The following PIK3R1 variants were observed in gnomAD, a reference collection of about 807,000 sequenced individuals.
PIK3R1 encodes the protein phosphoinositide-3-kinase regulatory subunit 1, also known as phosphatidylinositol 3-kinase regulatory subunit alpha.
A neutral mutation model predicts 98.0 loss-of-function variants in PIK3R1; 29 were observed. That is an observed-to-expected ratio of 0.30 (90% confidence interval 0.22 to 0.40). The LOEUF is 0.40. PIK3R1 is among the 10% of genes least tolerant of loss of function. The probability of loss-of-function intolerance (pLI) is 1.00; values close to 1 mark genes in which losing one functional copy is unlikely to be tolerated. For synonymous variants in PIK3R1, 282 were observed against 311.8 expected (o/e 0.90, Z 1.01); for missense variants, 596 against 872.7 (o/e 0.68, Z 3.99).
chr5:68,297,069 G>A (rs1237322246), intron 15 of PIK3R1, among the ~76,000 whole-genome samples: 1 of 152,206 alleles, frequency 6.6e-6, no homozygotes, highest in Non-Finnish European at 1.5e-5. Flanking sequence ...ACTGCAGATA[G>A]TTGTCCTCAT....
At chr5:68,222,444 G>A (rs1744124144) in intron 1 of PIK3R1, among the ~76,000 whole-genome samples, 1 of 109,678 alleles carries the variant, frequency 9.1e-6, no homozygotes, top group African/African-American at 4.8e-5. Context: ...AGTGGCAGGA[G>A]GCAGAGGTGC....
chr5:68,236,230 A>T (rs1398371174), intron 2 of PIK3R1, among the ~76,000 whole-genome samples: 1 of 151,060 alleles, frequency 6.6e-6, no homozygotes, highest in East Asian at 2.0e-4. Flanking sequence ...CAAAGATGGC[A>T]TATTATAACC....
chr5:68,243,980 TG>T (rs1312376004), intron 2 of PIK3R1, among the ~76,000 whole-genome samples: 4 of 152,238 alleles, frequency 2.6e-5, no homozygotes, highest in African/African-American at 9.6e-5. Flanking sequence ...ATTAAACAGC[TG>T]TAGTTTAAAT....
chr5:68,236,067 C>T (rs1020472128), intron 2 of PIK3R1, among the ~76,000 whole-genome samples: 3 of 150,990 alleles, frequency 2.0e-5, no homozygotes, highest in Non-Finnish European at 4.4e-5. Context: ...GACAGGGTTT[C>T]ACCATATTGG....
At chr5:68,237,777 C>CT (rs1253589217) in intron 2 of PIK3R1, among the ~76,000 whole-genome samples, 1 of 152,088 alleles carries the variant, frequency 6.6e-6, no homozygotes, top group East Asian at 1.9e-4. Context: ...GAAATGCCTA[C>CT]TGTAAACTCA....
Position 68,262,713 on chromosome 5 carries a change from A to T in PIK3R1, c.335-10677A>T, listed in dbSNP as rs372477092. 6.2e-4 allele frequency among the ~76,000 whole-genome samples: 85 copies of T among 136,262 alleles called. 1 individual carries two copies. The East Asian group carries it at 0.013, about 21-fold the overall frequency. The allele number at this position is 136,262 out of a possible 152,430, so 89.4% of individuals were successfully genotyped here. On this transcript the variant is annotated intron_variant, in intron 2 of 15. Coordinates refer to ENST00000521381, the MANE Select transcript of PIK3R1 (RefSeq NM_181523.3). ...TGTATACACATGTAGATGCATGTAG[A>T]TGCATGTATACATATATACATGTAG...
At chr5:68,225,087 C>T (rs902823472) in intron 1 of PIK3R1, among the ~76,000 whole-genome samples, 41 of 152,370 alleles carry the variant, frequency 2.7e-4, no homozygotes, top group African/African-American at 8.4e-4. Context: ...TCAGTCTCTC[C>T]TGTCTGGATG....
At chr5:68,221,836 G>A (rs1421923036) in intron 1 of PIK3R1, among the ~76,000 whole-genome samples, 1 of 152,208 alleles carries the variant, frequency 6.6e-6, no homozygotes, top group Non-Finnish European at 1.5e-5. Context: ...TGTTAGCAGG[G>A]ACAGAAAATA....
chr5:68,272,567 A>AGAATAAG (rs1746407952), intron 2 of PIK3R1, among the ~76,000 whole-genome samples: 1 of 152,114 alleles, frequency 6.6e-6, no homozygotes, highest in African/African-American at 2.4e-5. Flanking sequence ...TTTTGGACTG[A>AGAATAAG]GAATAAGGTT....
intron 2 of PIK3R1, among the ~76,000 whole-genome samples, chr5:68,233,723 G>A (rs964069970): frequency 2.1e-4 from 32 of 152,028 alleles, no homozygotes; most frequent in Non-Finnish European, 5.9e-5. Flanking sequence ...TTATATAATG[G>A]ATAACATAGT....
At chr5:68,229,404 A>G (rs1008956513) in intron 2 of PIK3R1, among the ~76,000 whole-genome samples, 4 of 152,194 alleles carry the variant, frequency 2.6e-5, no homozygotes, top group Non-Finnish European at 5.9e-5. Flanking sequence ...TATTCTTACC[A>G]TAATTGAATT....
chr5:68,263,273 T>A (rs1185495695), intron 2 of PIK3R1, among the ~76,000 whole-genome samples: 1 of 146,232 alleles, frequency 6.8e-6, no homozygotes, highest in Non-Finnish European at 1.5e-5. Context: ...TTAGTTCTGC[T>A]ATATCTATAG....
intron 2 of PIK3R1, among the ~76,000 whole-genome samples, chr5:68,264,407 G>T (rs1433355581): frequency 1.3e-5 from 2 of 152,216 alleles, no homozygotes; most frequent in Middle Eastern, 3.2e-3. Context: ...AATTGGCTTT[G>T]AAGTCCCATC....
rs2112284156 is a variant in PIK3R1, at chr5:68,296,306, G to A, written c.1950G>A (p.Glu650=). Reference sequence around the variant, plus strand: ...GAGATGGCACTTTTCTTGTCCGGGAGAGCAGTAAACAGGGCTGCTATGCCT... The same window carrying A: ...GAGATGGCACTTTTCTTGTCCGGGAAAGCAGTAAACAGGGCTGCTATGCCT... ...GKRDGTFLVR[E]SSKQGCYACS... The change falls in exon 15 of 16, where the codon GAG becomes GAA. Residue 650 remains glutamate (E), a synonymous_variant. Transcript: ENST00000521381. 2 of 1,614,202 alleles carry A rather than the reference G, an allele frequency of 1.2e-6. No individual in the cohort carries two copies. The highest frequency in any genetic ancestry group is 1.7e-6 in the Non-Finnish European group (2 of 1,180,024).
intron 4 of PIK3R1, among the ~76,000 whole-genome samples, chr5:68,274,246 A>G (rs1401245330): frequency 6.6e-6 from 1 of 152,186 alleles, no homozygotes; most frequent in Admixed American, 6.5e-5. Context: ...CATGTTGGTC[A>G]TCATCATAGC....
chr5:68,263,108 CATACATAGATAT>C, intron 2 of PIK3R1, among the ~76,000 whole-genome samples: 1 of 129,842 alleles, frequency 7.7e-6, no homozygotes, highest in South Asian at 2.4e-4. Context: ...TATATAGATA[CATACATAGATAT>C]ATAGATACAT....
rs1225217639 is a variant in PIK3R1 at position 68,273,992 on chromosome 5, T to C, written c.481T>C (p.Leu161=). The change falls in exon 4 of 16, where the codon TTA becomes CTA. Residue 161 remains leucine, a synonymous_variant. Coordinates refer to ENST00000521381, the MANE Select transcript of PIK3R1 (RefSeq NM_181523.3). Reference sequence around the variant, plus strand: ...ACAGAGCTCCAGCAACCTGGCAGAATTACGACAGCTTCTTGATTGTGGTGA... The same window carrying C: ...ACAGAGCTCCAGCAACCTGGCAGAACTACGACAGCTTCTTGATTGTGGTGA... The part of the protein sequence containing the change: ...RTQSSSNLAE[L]RQLLDCDTPS... The C allele has an allele frequency of 6.2e-7, 1 of 1,613,866 alleles. No homozygotes were observed. The highest frequency in any genetic ancestry group is 1.7e-5 in the Admixed American group (1 of 60,012).
At chr5:68,293,223 A>G in intron 9 of PIK3R1, 24 bp downstream of exon 9, 2 of 1,604,634 alleles carry the variant, frequency 1.2e-6, no homozygotes, top group Non-Finnish European at 1.7e-6. Context: ...TATAGCTGAA[A>G]TTAGGGTTTT....
chr5:68,279,278 T>C (rs2112187418), intron 4 of PIK3R1, among the ~76,000 whole-genome samples: 1 of 152,182 alleles, frequency 6.6e-6, no homozygotes, highest in East Asian at 1.9e-4. Context: ...GCAGCCCAAT[T>C]CAGCCCATAA....
Sources: allele counts gnomAD v4.1 joint callset (sites outside exome capture counted in the v4.1 genomes callset), GRCh38; gene constraint gnomAD v4.1.1; transcripts MANE v1.5; gene names NCBI Gene and HGNC (gene_info 2026-07-23, HGNC 2026-07-21).